The following FGF12 variants were observed in gnomAD, a reference collection of about 807,000 sequenced individuals.
FGF12 encodes the protein fibroblast growth factor 12.
FGF12 carries 14 observed loss-of-function variants against 23.6 expected under a neutral mutation model. The observed-to-expected ratio is 0.59, with a 90% CI of 0.39 to 0.93. The LOEUF is 0.93. Among genes scored for constraint, FGF12 ranks in the 40% least tolerant of loss-of-function variants. The pLI, the probability that FGF12 is intolerant of heterozygous loss-of-function variation, is 0.00. For missense variants in FGF12, 175 were observed against 217.8 expected (o/e 0.80, Z 1.24); for synonymous variants, 62 against 77.3 (o/e 0.80, Z 1.04).
chr3:192,198,782 T>TA (rs1410987802), intron 4 of FGF12, among the ~76,000 whole-genome samples: 3 of 152,146 alleles, frequency 2.0e-5, no homozygotes, highest in Non-Finnish European at 4.4e-5. Flanking sequence ...AGTGAAGAGG[T>TA]AAATAAGGTC....
chr3:192,257,451 C>T (rs1046695094), intron 4 of FGF12, among the ~76,000 whole-genome samples: 8 of 152,124 alleles, frequency 5.3e-5, no homozygotes, highest in African/African-American at 1.9e-4. Flanking sequence ...TGTAATCGTG[C>T]ACATCCCTGA....
intron 2 of FGF12, among the ~76,000 whole-genome samples, chr3:192,561,604 C>A (rs9835942): frequency 6.6e-6 from 1 of 151,158 alleles, no homozygotes; most frequent in Non-Finnish European, 1.5e-5. Flanking sequence ...CCTTGTGATC[C>A]GCCCGCCTCG....
chr3:192,681,250 C>A lies in FGF12; in HGVS notation c.13+45931G>T, dbSNP rs147145440. On this transcript the variant is annotated intron_variant, in intron 2 of 5. Transcript: ENST00000445105. Reference sequence around the variant, plus strand: ...AACCAAAGGGATATAACAATGTAAACTAGAGACGATAAAAGGGGTGACATA... The same window carrying A: ...AACCAAAGGGATATAACAATGTAAAATAGAGACGATAAAAGGGGTGACATA... Among the ~76,000 whole-genome samples, 280 of 152,220 alleles carry A rather than the reference C, an allele frequency of 1.8e-3. 1 individual carries two copies. The highest frequency in any genetic ancestry group is 6.5e-3 in the African/African-American group (272 of 41,528).
intron 2 of FGF12, among the ~76,000 whole-genome samples, chr3:192,581,353 C>A (rs992642705): frequency 7.3e-5 from 11 of 151,402 alleles, no homozygotes; most frequent in African/African-American, 2.7e-4. Flanking sequence ...ATGTCTTGAG[C>A]CCAGGAGTTT....
At chr3:192,576,383 G>A (rs560523566) in intron 2 of FGF12, among the ~76,000 whole-genome samples, 38 of 152,188 alleles carry the variant, frequency 2.5e-4, no homozygotes, top group Admixed American at 1.1e-3. Context: ...CAAATACCAC[G>A]CAAGCTAGTT....
chr3:192,429,548 A>T (rs1388794541), intron 2 of FGF12, among the ~76,000 whole-genome samples: 1 of 151,916 alleles, frequency 6.6e-6, no homozygotes, highest in Non-Finnish European at 1.5e-5. Context: ...TACATGCATT[A>T]CTCCTTCTCT....
Position 192,170,367 on chromosome 3 carries a change from A to G in FGF12, c.427+91T>C, listed in dbSNP as rs1715485665. ...TCTTTCTTCTGATCTGTTGCATTCCAGGCAAACTCTCTGGACCAAAAGGGC... is the reference window on the plus strand; with the variant it reads ...TCTTTCTTCTGATCTGTTGCATTCCGGGCAAACTCTCTGGACCAAAAGGGC... On this transcript the variant is annotated intron_variant, in intron 5 of 5. Transcript: ENST00000445105. The G allele has an allele frequency of 2.6e-5, 25 of 976,992 alleles. 1 individual carries two copies. In the South Asian group the frequency reaches 3.5e-4, roughly 14 times the overall value. 60.5% of individuals were successfully genotyped at this position (976,992 alleles called of 1,614,324 possible).
At chr3:192,623,305 A>T (rs1200480550) in intron 2 of FGF12, among the ~76,000 whole-genome samples, 1 of 152,200 alleles carries the variant, frequency 6.6e-6, no homozygotes, top group Non-Finnish European at 1.5e-5. Flanking sequence ...TAAGCAAGCC[A>T]AATATGCTTT....
intron 2 of FGF12, among the ~76,000 whole-genome samples, chr3:192,529,650 G>T (rs1725039938): frequency 6.6e-6 from 1 of 152,138 alleles, no homozygotes; most frequent in African/African-American, 2.4e-5. Context: ...AAAGAAAGAG[G>T]TTTAATGGAC....
chr3:192,366,852 A>C (rs1158655702), intron 2 of FGF12, among the ~76,000 whole-genome samples: 3 of 152,184 alleles, frequency 2.0e-5, no homozygotes, highest in Non-Finnish European at 1.5e-5. Context: ...AAGAAATAAG[A>C]AGCAGCCAAT....
Position 192,514,240 on chromosome 3 carries a change from C to T in FGF12, c.14-153702G>A, listed in dbSNP as rs1251921481. Among the ~76,000 whole-genome samples, 5 of 152,214 alleles carry T rather than the reference C, an allele frequency of 3.3e-5. No homozygotes were observed. Among genetic ancestry groups the T allele is most frequent in the African/African-American group, 1.2e-4 (5 of 41,448 alleles). The stretch of plus-strand genomic sequence containing the variant: ...ACAAAGCAAGAAAAAGAAAATATAC[C>T]TGCCTTGCCAGCCATCTGTTTAAAA... On this transcript the variant is annotated intron_variant, in intron 2 of 5. Coordinates refer to ENST00000445105, the MANE Select transcript of FGF12 (RefSeq NM_004113.6). The surrounding 1 kb of genome is among the most constrained non-coding windows in gnomAD (Gnocchi z 4.9).
chr3:192,509,159 G>T (rs9850334), intron 2 of FGF12, among the ~76,000 whole-genome samples: 111,083 of 151,936 alleles, frequency 0.73, 41,879 homozygotes, highest in Non-Finnish European at 0.83. Context: ...AGAAAGAAGG[G>T]AGGGGTGGCA....
chr3:192,378,026 T>TTTTCTTTTCTTTCTTTCTTTCTTTCTTTC (rs1719607315), intron 2 of FGF12, among the ~76,000 whole-genome samples: 1 of 69,442 alleles, frequency 1.4e-5, no homozygotes, highest in Non-Finnish European at 2.7e-5. Context: ...TGACTCTTTC[T>TTTTCTTTTCTTTCTTTCTTTCTTTCTTTC]TTTCTTTCTT....
chr3:192,527,532 C>T (rs1181417952), intron 2 of FGF12, among the ~76,000 whole-genome samples: 1 of 152,150 alleles, frequency 6.6e-6, no homozygotes, highest in Non-Finnish European at 1.5e-5. Flanking sequence ...TATGCAAGTG[C>T]ACATTGTAAG....
intron 2 of FGF12, among the ~76,000 whole-genome samples, chr3:192,485,824 C>T (rs1290553402): frequency 6.6e-6 from 1 of 151,994 alleles, no homozygotes; most frequent in Non-Finnish European, 1.5e-5. Flanking sequence ...TGCATCTGAA[C>T]TGAGATAATT....
chr3:192,421,379 A>G (rs1369673556), intron 2 of FGF12, among the ~76,000 whole-genome samples: 2 of 152,078 alleles, frequency 1.3e-5, no homozygotes. Flanking sequence ...AAGAAAAAAA[A>G]GTATATAGTC....
chr3:192,329,754 C>A (rs1238296410), intron 4 of FGF12, among the ~76,000 whole-genome samples: 1 of 152,124 alleles, frequency 6.6e-6, no homozygotes, highest in African/African-American at 2.4e-5. Flanking sequence ...AAGGATATTA[C>A]ATTTTAAATC....
intron 2 of FGF12, among the ~76,000 whole-genome samples, chr3:192,488,922 G>T (rs947557677): frequency 6.6e-6 from 1 of 151,996 alleles, no homozygotes; most frequent in African/African-American, 2.4e-5. Flanking sequence ...ACAACTGCAG[G>T]TTAGAGATAG....
intron 2 of FGF12, among the ~76,000 whole-genome samples, chr3:192,560,602 G>T (rs1054616995): frequency 2.6e-5 from 4 of 151,974 alleles, no homozygotes; most frequent in Non-Finnish European, 5.9e-5. Context: ...TTCTTGAAAA[G>T]CGTGAATTAA....
Sources: gnomAD v4.1 joint callset for allele counts (sites outside exome capture counted in the v4.1 genomes callset) on GRCh38, gnomAD v4.1.1 for gene constraint, Gnocchi (gnomAD v3.1) non-coding constraint, MANE v1.5 for transcripts, NCBI Gene and HGNC (gene_info 2026-07-23, HGNC 2026-07-21) for gene names.